Variants in ITPRIP observed in about 807,000 individuals in gnomAD.
ITPRIP encodes the protein inositol 1,4,5-trisphosphate receptor-interacting protein.
In ITPRIP, 32 loss-of-function variants were observed where a neutral mutation model predicts 35.8. That is an observed-to-expected ratio of 0.89 (90% CI 0.68 to 1.20). ITPRIP has a LOEUF of 1.20. Ranked by LOEUF, ITPRIP falls within the 50% of genes most tolerant of loss-of-function variation. The pLI is 0.00. For missense variants in ITPRIP, 653 were observed against 735.6 expected (o/e 0.89, Z 1.30); for synonymous variants, 358 against 324.0 (o/e 1.11, Z -1.13).
At chr10:104,335,300 C>T (rs1313038246) in intron 1 of ITPRIP, among the ~76,000 whole-genome samples, 1 of 152,170 alleles carries the variant, frequency 6.6e-6, no homozygotes, top group Non-Finnish European at 1.5e-5. Flanking sequence ...CTTGGACGAA[C>T]TTGAGAAGGG....
At chr10:104,329,863 G>A (rs931943200) in intron 1 of ITPRIP, among the ~76,000 whole-genome samples, 1 of 152,224 alleles carries the variant, frequency 6.6e-6, no homozygotes, top group African/African-American at 2.4e-5. Flanking sequence ...TGGTGCTGCG[G>A]TCATGTCTCC....
At chr10:104,335,730 G>C (rs1428982755) in intron 1 of ITPRIP, among the ~76,000 whole-genome samples, 1 of 152,110 alleles carries the variant, frequency 6.6e-6, no homozygotes, top group African/African-American at 2.4e-5. Flanking sequence ...TCCCACGAGG[G>C]TTCCCAATTA....
In ITPRIP at chr10:104,330,510, G is replaced by A. The variant is rs546581202; in HGVS notation, c.-14+7736C>T. 2.4e-4 allele frequency among the ~76,000 whole-genome samples: 37 copies of A among 152,302 alleles called. 2 individuals carry two copies. In the South Asian group the frequency reaches 7.7e-3, roughly 32 times the overall value. On this transcript the variant is annotated intron_variant, in intron 1 of 1. Transcript: ENST00000337478. Reference sequence around the variant, plus strand: ...ATGGCCCAGGAATGAACCCTGACACGTTTTCTGACCCTCAGCTGCCTTGCC... The same window carrying A: ...ATGGCCCAGGAATGAACCCTGACACATTTTCTGACCCTCAGCTGCCTTGCC...
In ITPRIP at chr10:104,326,925, C is replaced by T. The variant is rs2135202412; in HGVS notation, c.-13-10861G>A. ...GGAAGAGGCAAAGAGGGACTCTCCT[C>T]TAGAGTATCTGGAGGGAGTGTGGCC... On this transcript the variant is annotated intron_variant, in intron 1 of 1. Transcript: ENST00000337478. The surrounding 1 kb of genome is among the most constrained non-coding windows in gnomAD (Gnocchi z 4.8). 6.6e-6 allele frequency: 1 copy of T among 152,326 alleles called. No homozygotes were observed. Among genetic ancestry groups the T allele is most frequent in the Admixed American group, 6.5e-5 (1 of 15,296 alleles). 9.4% of individuals were successfully genotyped at this position (152,326 alleles called of 1,614,324 possible). A position where few individuals can be genotyped will look rare whatever the true frequency, so the allele number is the denominator to read the frequency against.
chr10:104,325,451 T>G (rs1013470337), intron 1 of ITPRIP, among the ~76,000 whole-genome samples: 1 of 152,180 alleles, frequency 6.6e-6, no homozygotes, highest in Non-Finnish European at 1.5e-5. Context: ...CTCCCGTGTC[T>G]CCTCGTTGGC....
intron 1 of ITPRIP, among the ~76,000 whole-genome samples, chr10:104,321,914 A>T (rs1233873873): frequency 1.3e-5 from 2 of 152,044 alleles, no homozygotes; most frequent in African/African-American, 4.8e-5. Context: ...CGGAGCACAT[A>T]CTGAGCTCGA....
In ITPRIP at chr10:104,312,831, T is replaced by C; in HGVS notation, c.*1577A>G. On this transcript the variant is annotated 3_prime_UTR_variant, in exon 2 of 2. Coordinates refer to ENST00000337478, the MANE Select transcript of ITPRIP (RefSeq NM_001272013.2). ...CTGGGCACCCCTGTCAAGTTGGTTA[T>C]GCTCTCGGGAAGGCATGGCCGGCTT... is the stretch of plus-strand genomic sequence containing the variant. The C allele has an allele frequency of 1.0e-6, 1 of 985,416 alleles. No individual in the cohort carries two copies. Among genetic ancestry groups the C allele is most frequent in the African/African-American group, 1.7e-5 (1 of 57,328 alleles). The allele number at this position is 985,416 out of a possible 1,614,324, so 61.0% of individuals were successfully genotyped here.
At position 104,326,725 on chromosome 10, in the gene ITPRIP, A is replaced by T. The variant is rs1361926205; in HGVS notation, c.-13-10661T>A. On this transcript the variant is annotated intron_variant, in intron 1 of 1. Transcript: ENST00000337478. This position sits in a 1 kb window ranked among gnomAD's most constrained non-coding sequence, Gnocchi z 4.8. Reference sequence around the variant, plus strand: ...AAAGGGTCTTTGCAGATGTGATTAAATTAAAGAACTTGAGATGAGATCATC... The same window carrying T: ...AAAGGGTCTTTGCAGATGTGATTAATTTAAAGAACTTGAGATGAGATCATC... 1.3e-5 allele frequency: 2 copies of T among 152,210 alleles called. No homozygotes were observed. The allele number at this position is 152,210 out of a possible 1,614,324, so 9.4% of individuals were successfully genotyped here. A position where few individuals can be genotyped will look rare whatever the true frequency, so the allele number is the denominator to read the frequency against.
intron 1 of ITPRIP, among the ~76,000 whole-genome samples, chr10:104,329,631 G>A (rs1034690555): frequency 3.9e-5 from 6 of 152,072 alleles, no homozygotes; most frequent in Admixed American, 2.0e-4. Flanking sequence ...TACTGTCACC[G>A]AGAAAGAAAC....
intron 1 of ITPRIP, among the ~76,000 whole-genome samples, chr10:104,337,766 C>G (rs929294943): frequency 2.0e-4 from 31 of 152,024 alleles, no homozygotes; most frequent in Non-Finnish European, 4.4e-5. Flanking sequence ...GAAAAAAAAA[C>G]TTCACGCCTA....
intron 1 of ITPRIP, among the ~76,000 whole-genome samples, chr10:104,337,925 C>A (rs1377787518): frequency 1.3e-5 from 2 of 152,200 alleles, no homozygotes; most frequent in Non-Finnish European, 2.9e-5. Flanking sequence ...AATGTGGTCC[C>A]GCTCTGGGCT....
chr10:104,320,098 C>T (rs1430971810), intron 1 of ITPRIP, among the ~76,000 whole-genome samples: 1 of 152,182 alleles, frequency 6.6e-6, no homozygotes, highest in African/African-American at 2.4e-5. Context: ...GGAAAATCTA[C>T]ATTCTGTACA....
chr10:104,334,848 T>C (rs1177885574), intron 1 of ITPRIP, among the ~76,000 whole-genome samples: 1 of 152,254 alleles, frequency 6.6e-6, no homozygotes, highest in Non-Finnish European at 1.5e-5. Flanking sequence ...GTTTCCCATA[T>C]GGCTTGTCTA....
chr10:104,315,470 G>C lies in ITPRIP; in HGVS notation c.582C>G (p.Asp194Glu). 6.2e-7 allele frequency: 1 copy of C among 1,613,784 alleles called. No individual in the cohort carries two copies. Among genetic ancestry groups the C allele is most frequent in the Non-Finnish European group, 8.5e-7 (1 of 1,179,764 alleles). Reference sequence around the variant, plus strand: ...CCACCTGCCAGTTCTCGTACATGCTGTCCACGCCAATGAAGTCCTCCACCT... The same window carrying C: ...CCACCTGCCAGTTCTCGTACATGCTCTCCACGCCAATGAAGTCCTCCACCT... ...DMEVEDFIGV[D>E]SMYENWQVDR... The change falls in exon 2 of 2, where the codon GAC becomes GAG. Residue 194 changes from aspartate to glutamate, a missense_variant. By Grantham distance (45) the Asp-to-Glu change is conservative. Transcript: ENST00000337478. This position sits in a 1 kb window ranked among gnomAD's most constrained non-coding sequence, Gnocchi z 5.7.
Position 104,314,589 on chromosome 10 carries a change from A to C in ITPRIP, c.1463T>G (p.Met488Arg), listed in dbSNP as rs1323567359. ...FIGNRKVPEA[M>R]GLPEAVLRAE... ...CCTGAGCACGGCCTCAGGGAGTCCC[A>C]TGGCCTCAGGCACCTTGCGGTTGCC... Residue 488 changes from methionine (M) to arginine (R), a missense_variant, in exon 2 of 2, where the codon ATG (methionine) becomes AGG (arginine). Coordinates refer to ENST00000337478, the MANE Select transcript of ITPRIP (RefSeq NM_001272013.2). The C allele has an allele frequency of 1.2e-6, 2 of 1,614,082 alleles. No homozygotes were observed. Among genetic ancestry groups the C allele is most frequent in the Admixed American group, 3.3e-5 (2 of 60,014 alleles).
At position 104,311,551 on chromosome 10, in the gene ITPRIP, G is replaced by T. The variant is rs2013490194; in HGVS notation, c.*2857C>A. ...CACCCCCAGGTTCTCAACGGGGGCTGTGCTTCAGCCAGGCATGCAGAGGGG... is the reference window on the plus strand; with the variant it reads ...CACCCCCAGGTTCTCAACGGGGGCTTTGCTTCAGCCAGGCATGCAGAGGGG... On this transcript the variant is annotated 3_prime_UTR_variant, in exon 2 of 2. Coordinates refer to ENST00000337478, the MANE Select transcript of ITPRIP (RefSeq NM_001272013.2). 6.6e-6 allele frequency: 1 copy of T among 152,288 alleles called. No homozygotes were observed. The allele number at this position is 152,288 out of a possible 1,614,324, so 9.4% of individuals were successfully genotyped here.
At chr10:104,336,486 T>C (rs1204666861) in intron 1 of ITPRIP, among the ~76,000 whole-genome samples, 2 of 113,492 alleles carry the variant, frequency 1.8e-5, no homozygotes, top group Admixed American at 1.7e-4. Flanking sequence ...TGCCCAGTTA[T>C]TTTTTTTTGG....
chr10:104,317,411 G>A (rs907254205), intron 1 of ITPRIP, among the ~76,000 whole-genome samples: 2 of 152,022 alleles, frequency 1.3e-5, no homozygotes, highest in African/African-American at 2.4e-5. Flanking sequence ...GCAGAATCTC[G>A]GCCCCACCCA....
At chr10:104,327,776 G>A (rs1426022051) in intron 1 of ITPRIP, among the ~76,000 whole-genome samples, 1 of 152,182 alleles carries the variant, frequency 6.6e-6, no homozygotes, top group Non-Finnish European at 1.5e-5. Flanking sequence ...AACCCACGCA[G>A]CAACCCCGGG....
Sources: gnomAD v4.1 joint callset for allele counts (sites outside exome capture counted in the v4.1 genomes callset) on GRCh38, gnomAD v4.1.1 for gene constraint, Gnocchi (gnomAD v3.1) non-coding constraint, MANE v1.5 for transcripts, NCBI Gene and HGNC (gene_info 2026-07-23, HGNC 2026-07-21) for gene names.